Variants in ANO3 observed in about 807,000 individuals in gnomAD.
ANO3 encodes the protein anoctamin-3.
In ANO3, 99 loss-of-function variants were observed where a neutral mutation model predicts 144.8. The ratio of observed to expected loss-of-function variants is 0.68; its 90% CI spans 0.58 to 0.81. The LOEUF (loss-of-function observed/expected upper bound fraction) is 0.81, where lower values mean the gene tolerates loss of function less well. Ranked by LOEUF, ANO3 falls within the 30% of genes least tolerant of loss-of-function variation. The probability of loss-of-function intolerance (pLI) is 0.00; values close to 1 mark genes in which losing one functional copy is unlikely to be tolerated. For missense variants in ANO3, 905 were observed against 1,202.2 expected (o/e 0.75, Z 3.66); for synonymous variants, 414 against 392.6 (o/e 1.05, Z -0.64).
intron 1 of ANO3, among the ~76,000 whole-genome samples, chr11:26,350,361 A>T (rs1230045735): frequency 6.6e-6 from 1 of 152,182 alleles, no homozygotes; most frequent in Non-Finnish European, 1.5e-5. Flanking sequence ...GAGGCTGCTT[A>T]GGGGGAAATA....
chr11:26,412,874 T>C (rs1433276718), intron 1 of ANO3, among the ~76,000 whole-genome samples: 1 of 150,662 alleles, frequency 6.6e-6, no homozygotes, highest in Non-Finnish European at 1.5e-5. Flanking sequence ...CTCAGAACTG[T>C]ATTTCTCATA....
chr11:26,340,654 G>T (rs1036349842), intron 1 of ANO3, among the ~76,000 whole-genome samples: 4 of 152,140 alleles, frequency 2.6e-5, no homozygotes, highest in African/African-American at 7.2e-5. Context: ...ATTAGAGAAT[G>T]AATTTAAATG....
At chr11:26,595,377 C>A (rs1335934764) in intron 14 of ANO3, among the ~76,000 whole-genome samples, 1 of 149,668 alleles carries the variant, frequency 6.7e-6, no homozygotes, top group African/African-American at 2.5e-5. Context: ...CATCCAGATT[C>A]ATTCCCATAA....
intron 1 of ANO3, among the ~76,000 whole-genome samples, chr11:26,301,154 T>G (rs1854224260): frequency 6.6e-6 from 1 of 151,858 alleles, no homozygotes; most frequent in Non-Finnish European, 1.5e-5. Flanking sequence ...GCCCAGCCTC[T>G]TTACTTTCTT....
intron 1 of ANO3, among the ~76,000 whole-genome samples, chr11:26,375,213 CAT>C (rs1461191386): frequency 1.3e-5 from 2 of 152,184 alleles, no homozygotes; most frequent in African/African-American, 2.4e-5. Context: ...ACATCACTCA[CAT>C]GTGCAGTTCA....
At chr11:26,451,945 G>A (rs1168922685) in intron 3 of ANO3, among the ~76,000 whole-genome samples, 1 of 152,154 alleles carries the variant, frequency 6.6e-6, no homozygotes, top group South Asian at 2.1e-4. Context: ...CCACTGTTCT[G>A]CAGACACCGC....
chr11:26,194,488 ATTAT>A (rs1196375918), intron 1 of ANO3, among the ~76,000 whole-genome samples: 1 of 23,452 alleles, frequency 4.3e-5, no homozygotes, highest in African/African-American at 1.5e-4. Context: ...GTGTGTGTGT[ATTAT>A]TTATTTATTT....
intron 1 of ANO3, among the ~76,000 whole-genome samples, chr11:26,240,672 A>T (rs993630620): frequency 5.9e-5 from 9 of 152,172 alleles, no homozygotes; most frequent in African/African-American, 1.4e-4. Context: ...CATAAAAAAA[A>T]TTTTGACTAC....
intron 6 of ANO3, among the ~76,000 whole-genome samples, chr11:26,523,264 G>C (rs551311286): frequency 6.6e-5 from 10 of 152,266 alleles, no homozygotes; most frequent in African/African-American, 2.4e-4. Context: ...GATGAGATTT[G>C]GGTGGAAACA....
intron 24 of ANO3, among the ~76,000 whole-genome samples, chr11:26,649,575 A>G (rs1444444075): frequency 1.3e-5 from 2 of 151,994 alleles, no homozygotes; most frequent in East Asian, 1.9e-4. Context: ...CCTCACTACT[A>G]AAAATACAAA....
At chr11:26,572,749 AG>A (rs1472056441) in intron 14 of ANO3, among the ~76,000 whole-genome samples, 1 of 152,110 alleles carries the variant, frequency 6.6e-6, no homozygotes, top group Admixed American at 6.6e-5. Context: ...GAACGCTGTG[AG>A]GTGTTACATG....
intron 1 of ANO3, among the ~76,000 whole-genome samples, chr11:26,412,245 G>A (rs1428988214): frequency 6.6e-6 from 1 of 151,910 alleles, no homozygotes; most frequent in Non-Finnish European, 1.5e-5. Context: ...ACAGCCACCT[G>A]TTAGATGGGG....
chr11:26,653,582 T>C (rs1158079669), intron 24 of ANO3, among the ~76,000 whole-genome samples: 2 of 152,070 alleles, frequency 1.3e-5, no homozygotes, highest in South Asian at 2.1e-4. Context: ...CTTAAATTCA[T>C]ACAAAGGGAG....
At chr11:26,322,759 A>G (rs1466893924) in intron 1 of ANO3, among the ~76,000 whole-genome samples, 2 of 152,166 alleles carry the variant, frequency 1.3e-5, no homozygotes, top group Admixed American at 1.3e-4. Context: ...TCTCTACTGT[A>G]AAGGTAGTGT....
At chr11:26,519,694 C>G (rs1861993200) in intron 6 of ANO3, among the ~76,000 whole-genome samples, 1 of 152,160 alleles carries the variant, frequency 6.6e-6, no homozygotes, top group Admixed American at 6.5e-5. Context: ...GACCTAAATA[C>G]TTCCCAAAGG....
chr11:26,275,937 G>GTAT (rs1423485854), intron 1 of ANO3, among the ~76,000 whole-genome samples: 1 of 152,110 alleles, frequency 6.6e-6, no homozygotes, highest in African/African-American at 2.4e-5. Context: ...CTCTGAAGCT[G>GTAT]TATTCACTGT....
chr11:26,200,153 A>G (rs1851664869), intron 1 of ANO3, among the ~76,000 whole-genome samples: 1 of 152,152 alleles, frequency 6.6e-6, no homozygotes, highest in Admixed American at 6.5e-5. Flanking sequence ...CAGAGCCGAG[A>G]TTGCTTTTAC....
At chr11:26,416,632 G>A (rs1377938183) in intron 1 of ANO3, among the ~76,000 whole-genome samples, 1 of 151,776 alleles carries the variant, frequency 6.6e-6, no homozygotes, top group Non-Finnish European at 1.5e-5. Flanking sequence ...TCACCATGTT[G>A]GCCAGGATGG....
At chr11:26,637,849 G>A (rs1853012960) in intron 20 of ANO3, among the ~76,000 whole-genome samples, 1 of 152,124 alleles carries the variant, frequency 6.6e-6, no homozygotes, top group Admixed American at 6.6e-5. Context: ...CAAAGCCATA[G>A]AGAAGACTGT....
Sources: gnomAD v4.1 joint callset for allele counts (sites outside exome capture counted in the v4.1 genomes callset) on GRCh38, gnomAD v4.1.1 for gene constraint, MANE v1.5 for transcripts, NCBI Gene and HGNC (gene_info 2026-07-23, HGNC 2026-07-21) for gene names.